Variants in DCBLD2 observed in about 807,000 individuals in gnomAD.
DCBLD2 encodes discoidin, CUB and LCCL domain containing 2.
DCBLD2 carries 54 observed loss-of-function variants against 86.8 expected under a neutral mutation model. That is an observed-to-expected ratio of 0.62 (90% CI 0.50 to 0.78). The LOEUF (loss-of-function observed/expected upper bound fraction) is 0.78. Ranked by LOEUF, DCBLD2 falls within the 30% of genes least tolerant of loss-of-function variation. DCBLD2 has a pLI of 0.00. For missense variants in DCBLD2, 908 were observed against 954.2 expected (o/e 0.95, Z 0.64); for synonymous variants, 354 against 341.3 (o/e 1.04, Z -0.41).
Position 98,901,060 on chromosome 3 carries a change from G to A in DCBLD2, c.205+62C>T, listed in dbSNP as rs1049289820. 2.4e-4 allele frequency: 375 copies of A among 1,534,556 alleles called. 1 individual carries two copies. Among genetic ancestry groups the A allele is most frequent in the Middle Eastern group, 2.1e-4 (1 of 4,670 alleles). On this transcript the variant is annotated intron_variant, in intron 1 of 15. Coordinates refer to ENST00000326840, the MANE Select transcript of DCBLD2 (RefSeq NM_080927.4). The stretch of plus-strand genomic sequence containing the variant: ...GCAGCGTCTGCAGATTTGTTCAGGG[G>A]CCAAGAGACCCGCAGCCCCGACGGA...
At chr3:98,890,602 T>C (rs984263574) in intron 1 of DCBLD2, 2 of 152,066 alleles carry the variant, frequency 1.3e-5, no homozygotes, top group Admixed American at 6.6e-5. Flanking sequence ...GAATTTTCCA[T>C]CCTTATCTTT....
In DCBLD2 at chr3:98,819,417, C is replaced by T; in HGVS notation, c.872G>A (p.Gly291Glu). Reference protein sequence around the residue: ...STSLFTFKTSGCYGTLGMESG... With the variant: ...STSLFTFKTSECYGTLGMESG... Reference sequence around the variant, plus strand: ...CTCCATCCCCAGTGTTCCATAACATCCTGAAACAAAGAAAAGACTAAATTT... The same window carrying T: ...CTCCATCCCCAGTGTTCCATAACATTCTGAAACAAAGAAAAGACTAAATTT... Residue 291 changes from glycine to glutamate, a missense_variant and splice_region_variant, in exon 8 of 16, where the codon GGA (glycine) becomes GAA (glutamate). Transcript: ENST00000326840. 1 of 1,613,610 alleles carries T rather than the reference C, an allele frequency of 6.2e-7. No individual in the cohort carries two copies. The highest frequency in any genetic ancestry group is 1.1e-5 in the South Asian group (1 of 91,006).
In DCBLD2 at chr3:98,820,288, C is replaced by A; in HGVS notation, c.831G>T (p.Val277=). 1 of 1,465,706 alleles carries A rather than the reference C, an allele frequency of 6.8e-7. No individual in the cohort carries two copies. Among genetic ancestry groups the A allele is most frequent in the Non-Finnish European group, 9.0e-7 (1 of 1,108,328 alleles). The allele number at this position is 1,465,706 out of a possible 1,614,324, so 90.8% of individuals were successfully genotyped here. A position where few individuals can be genotyped will look rare whatever the true frequency, so the allele number is the denominator to read the frequency against. The stretch of plus-strand genomic sequence containing the variant: ...TAAAAAGACTTGTAGATAAGTGTCC[C>A]CTGAAAGAGAGAAGGGTTTTTTTTG... ...SSLANNVTSV[V]GHLSTSLFTF... Residue 277 remains valine, a splice_region_variant and synonymous_variant, in exon 7 of 16, where the codon GTG becomes GTT. Coordinates refer to ENST00000326840, the MANE Select transcript of DCBLD2 (RefSeq NM_080927.4).
chr3:98,827,872 A>G (rs1413921744), intron 3 of DCBLD2, among the ~76,000 whole-genome samples: 2 of 152,378 alleles, frequency 1.3e-5, no homozygotes, highest in East Asian at 1.9e-4. Context: ...ATAGCAATGT[A>G]TAAGTCATCA....
intron 2 of DCBLD2, among the ~76,000 whole-genome samples, chr3:98,877,627 T>C (rs1051169655): frequency 6.6e-6 from 1 of 152,126 alleles, no homozygotes; most frequent in Non-Finnish European, 1.5e-5. Context: ...TATACAAATG[T>C]CTATTTACTA....
chr3:98,806,702 C>T (rs944152286), intron 13 of DCBLD2, among the ~76,000 whole-genome samples: 1 of 152,206 alleles, frequency 6.6e-6, no homozygotes, highest in Non-Finnish European at 1.5e-5. Flanking sequence ...ATACTTGTTG[C>T]ATGGCTGAAC....
intron 2 of DCBLD2, among the ~76,000 whole-genome samples, chr3:98,879,749 T>C (rs1487071598): frequency 6.6e-6 from 1 of 152,104 alleles, no homozygotes; most frequent in African/African-American, 2.4e-5. Context: ...ACAGTTACCT[T>C]CCCCCTCCTC....
chr3:98,839,303 C>T (rs1297594232), intron 3 of DCBLD2, among the ~76,000 whole-genome samples: 13 of 151,134 alleles, frequency 8.6e-5, no homozygotes, highest in African/African-American at 1.7e-4. Context: ...GGAATGCAGT[C>T]GAGTTGTTTT....
chr3:98,801,593 G>A lies in DCBLD2; in HGVS notation c.1720+7C>T, dbSNP rs777976771. ...TAGAAATGAGATGCAAAGACCACGTGAGTTACCTGCCCGGTCCCAGTAAGG... is the reference window on the plus strand; with the variant it reads ...TAGAAATGAGATGCAAAGACCACGTAAGTTACCTGCCCGGTCCCAGTAAGG... On this transcript the variant is annotated splice_region_variant and intron_variant, in intron 14 of 15. Coordinates refer to ENST00000326840, the MANE Select transcript of DCBLD2 (RefSeq NM_080927.4). 7 of 1,608,108 alleles carry A rather than the reference G, an allele frequency of 4.4e-6. No individual in the cohort carries two copies. Among genetic ancestry groups the A allele is most frequent in the Non-Finnish European group, 5.9e-6 (7 of 1,176,724 alleles).
chr3:98,899,260 CTTTTTTTTTT>C (rs10605926), intron 1 of DCBLD2, among the ~76,000 whole-genome samples: 1 of 101,768 alleles, frequency 9.8e-6, no homozygotes, highest in South Asian at 3.6e-4. Flanking sequence ...ATTTCTTTTT[CTTTTTTTTTT>C]TTTTTTTTTG....
At chr3:98,826,682 C>T (rs1942228625) in intron 3 of DCBLD2, among the ~76,000 whole-genome samples, 1 of 152,158 alleles carries the variant, frequency 6.6e-6, no homozygotes, top group Non-Finnish European at 1.5e-5. Flanking sequence ...GTAGCAATAA[C>T]AGCATATGGT....
intron 3 of DCBLD2, among the ~76,000 whole-genome samples, chr3:98,840,384 T>C (rs979176307): frequency 2.0e-5 from 3 of 152,214 alleles, no homozygotes; most frequent in African/African-American, 7.2e-5. Context: ...GATGAACTTA[T>C]TACATGTGAA....
intron 3 of DCBLD2, among the ~76,000 whole-genome samples, chr3:98,838,828 C>T (rs1414439106): frequency 1.3e-5 from 2 of 152,226 alleles, no homozygotes; most frequent in East Asian, 3.9e-4. Context: ...GCGGATCACT[C>T]GCGGTTAGGG....
intron 12 of DCBLD2, 131 bp downstream of exon 12, chr3:98,811,062 AT>A (rs564224743): frequency 0.022 from 18,665 of 846,164 alleles, 2 homozygotes; most frequent in East Asian, 0.024. Context: ...AAGAAAATAA[AT>A]TTTTTTTTTT....
intron 14 of DCBLD2, 138 bp from the exon 15 acceptor site, chr3:98,800,854 T>TTC: frequency 5.0e-6 from 1 of 198,484 alleles, no homozygotes. Flanking sequence ...ATAATCCAAC[T>TTC]TTTTTTTTTT....
At chr3:98,886,409 A>T (rs1360787958) in intron 1 of DCBLD2, among the ~76,000 whole-genome samples, 2 of 151,996 alleles carry the variant, frequency 1.3e-5, no homozygotes, top group Admixed American at 6.6e-5. Context: ...TCCTGCTCAT[A>T]AGGCAGAATT....
intron 3 of DCBLD2, among the ~76,000 whole-genome samples, chr3:98,829,246 C>A (rs983567081): frequency 1.3e-5 from 2 of 151,998 alleles, no homozygotes; most frequent in Admixed American, 6.6e-5. Context: ...GGGGTACAGA[C>A]CCCACCACCA....
At chr3:98,884,584 A>G (rs755690327) in intron 1 of DCBLD2, among the ~76,000 whole-genome samples, 9 of 152,054 alleles carry the variant, frequency 5.9e-5, no homozygotes, top group Admixed American at 6.6e-5. Flanking sequence ...GGAAAAAACT[A>G]CCACCCTAAG....
intron 1 of DCBLD2, among the ~76,000 whole-genome samples, chr3:98,886,293 G>C (rs1943561446): frequency 6.6e-6 from 1 of 151,976 alleles, no homozygotes; most frequent in African/African-American, 2.4e-5. Flanking sequence ...AACATTAGGA[G>C]GGAAAGGAGC....
Sources: allele counts gnomAD v4.1 joint callset (sites outside exome capture counted in the v4.1 genomes callset), GRCh38; gene constraint gnomAD v4.1.1; transcripts MANE v1.5; gene names NCBI Gene and HGNC (gene_info 2026-07-23, HGNC 2026-07-21).